ADAMTS16: variants seen among roughly 807,000 people sequenced by gnomAD.
ADAMTS16 encodes the protein ADAM metallopeptidase with thrombospondin type 1 motif 16, also known as A disintegrin and metalloproteinase with thrombospondin motifs 16.
In ADAMTS16, 94 loss-of-function variants were observed where a neutral mutation model predicts 145.8. The ratio of observed to expected loss-of-function variants is 0.64; its 90% CI spans 0.55 to 0.77. ADAMTS16 has a LOEUF of 0.77. Among genes scored for constraint, ADAMTS16 ranks in the 30% least tolerant of loss-of-function variants. ADAMTS16 has a pLI of 0.00. For synonymous variants in ADAMTS16, 659 were observed against 604.3 expected, an observed-to-expected ratio of 1.09 and a Z score of -1.33; for missense variants, 1,585 against 1,591.5, an observed-to-expected ratio of 1.00 and a Z score of 0.07.
intron 3 of ADAMTS16, among the ~76,000 whole-genome samples, chr5:5,152,164 C>A (rs972406016): frequency 3.9e-5 from 6 of 152,230 alleles, no homozygotes; most frequent in Non-Finnish European, 7.3e-5. Context: ...TAATTTCAGG[C>A]CCTGGAGGCA....
At chr5:5,193,176 T>C (rs955571738) in intron 8 of ADAMTS16, among the ~76,000 whole-genome samples, 6 of 148,750 alleles carry the variant, frequency 4.0e-5, no homozygotes, top group African/African-American at 1.5e-4. Context: ...CGCGCGCACA[T>C]ATACGTGTAC....
intron 3 of ADAMTS16, among the ~76,000 whole-genome samples, chr5:5,165,471 G>A (rs1444864739): frequency 6.6e-6 from 1 of 152,188 alleles, no homozygotes; most frequent in East Asian, 1.9e-4. Context: ...CTGGGACAGA[G>A]GCAGAGGTGT....
chr5:5,242,297 C>T, intron 17 of ADAMTS16, 106 bp downstream of exon 17: 3 of 1,422,064 alleles, frequency 2.1e-6, no homozygotes, highest in East Asian at 5.0e-5. Flanking sequence ...CGGGGCTTCT[C>T]CCTGCCAGTA....
chr5:5,213,241 G>T (rs367849330), intron 10 of ADAMTS16, among the ~76,000 whole-genome samples: 4 of 152,130 alleles, frequency 2.6e-5, no homozygotes, highest in African/African-American at 9.7e-5. Flanking sequence ...CTATAGGTCT[G>T]TTTCAAAGTG....
chr5:5,215,324 TGTAA>T (rs1736386380), intron 10 of ADAMTS16, among the ~76,000 whole-genome samples: 1 of 152,196 alleles, frequency 6.6e-6, no homozygotes, highest in Non-Finnish European at 1.5e-5. Flanking sequence ...TATATCTGAC[TGTAA>T]CATCAATTGT....
intron 10 of ADAMTS16, among the ~76,000 whole-genome samples, chr5:5,211,248 A>G (rs1308894838): frequency 6.6e-6 from 1 of 152,154 alleles, no homozygotes; most frequent in African/African-American, 2.4e-5. Context: ...AACTACACTA[A>G]TAGATAAAGG....
intron 4 of ADAMTS16, among the ~76,000 whole-genome samples, chr5:5,182,619 C>A (rs1735372417): frequency 6.6e-6 from 1 of 152,162 alleles, no homozygotes; most frequent in African/African-American, 2.4e-5. Context: ...GGCATCACTA[C>A]TCAGTCATTC....
At chr5:5,165,309 T>C (rs1734845264) in intron 3 of ADAMTS16, among the ~76,000 whole-genome samples, 2 of 152,284 alleles carry the variant, frequency 1.3e-5, no homozygotes, top group South Asian at 4.2e-4. Context: ...CGGCGCCCCA[T>C]CGTATCCCAC....
chr5:5,281,452 A>C (rs1247432710), intron 18 of ADAMTS16, among the ~76,000 whole-genome samples: 1 of 152,258 alleles, frequency 6.6e-6, no homozygotes, highest in African/African-American at 2.4e-5. Flanking sequence ...TCATAATATT[A>C]GAGTATTAAA....
chr5:5,289,784 G>C (rs1739231957), intron 18 of ADAMTS16, among the ~76,000 whole-genome samples: 1 of 151,254 alleles, frequency 6.6e-6, no homozygotes. Flanking sequence ...CAGCAGGGAT[G>C]AGTCCTCACA....
intron 17 of ADAMTS16, among the ~76,000 whole-genome samples, chr5:5,245,672 C>T (rs1261934391): frequency 6.6e-6 from 1 of 152,130 alleles, no homozygotes; most frequent in Admixed American, 6.5e-5. Context: ...CCTCTTGCTT[C>T]ATTCCAGAAA....
intron 6 of ADAMTS16, 23 bp from the exon 7 acceptor site, chr5:5,189,948 C>A (rs918055081): frequency 1.2e-6 from 2 of 1,609,274 alleles, no homozygotes; most frequent in African/African-American, 1.3e-5. Context: ...TCATGGGGTC[C>A]TCGGTCCTTG....
intron 3 of ADAMTS16, among the ~76,000 whole-genome samples, chr5:5,160,548 G>A (rs1013177729): frequency 3.0e-4 from 45 of 152,014 alleles, no homozygotes; most frequent in African/African-American, 1.1e-3. Flanking sequence ...CTATGCCCAC[G>A]TATTTGAAAT....
intron 3 of ADAMTS16, among the ~76,000 whole-genome samples, chr5:5,164,802 G>A (rs561754558): frequency 2.6e-5 from 4 of 151,858 alleles, no homozygotes; most frequent in East Asian, 1.9e-4. Flanking sequence ...TCAGCCTCCC[G>A]AGTAGCTGGG....
chr5:5,212,190 G>GT (rs1018733372), intron 10 of ADAMTS16, among the ~76,000 whole-genome samples: 38 of 99,960 alleles, frequency 3.8e-4, no homozygotes, highest in South Asian at 1.1e-3. Context: ...AGTTTCTGGG[G>GT]TTTTTTTTGT....
At position 5,171,380 on chromosome 5, in the gene ADAMTS16, C is replaced by T. The variant is rs866341092; in HGVS notation, c.502-10664C>T. 3.9e-5 allele frequency among the ~76,000 whole-genome samples: 6 copies of T among 152,082 alleles called. No homozygotes were observed. The South Asian group carries it at 1.2e-3, about 32-fold the overall frequency. On this transcript the variant is annotated intron_variant, in intron 3 of 22. Transcript: ENST00000274181. ...CAGAGGAAAGACTTTCAGCTTTTTTCCCATTCAGTATGACACTAGCTGTGG... is the reference window on the plus strand; with the variant it reads ...CAGAGGAAAGACTTTCAGCTTTTTTTCCATTCAGTATGACACTAGCTGTGG...
intron 18 of ADAMTS16, among the ~76,000 whole-genome samples, chr5:5,290,713 G>A (rs1284922280): frequency 6.6e-6 from 1 of 152,124 alleles, no homozygotes; most frequent in African/African-American, 2.4e-5. Flanking sequence ...TGCTGCAGTG[G>A]GCTTCAGCAG....
chr5:5,305,142 T>C (rs1021114605), intron 20 of ADAMTS16, among the ~76,000 whole-genome samples: 34 of 21,498 alleles, frequency 1.6e-3, no homozygotes, highest in East Asian at 3.3e-3. Context: ...CACACACACA[T>C]CCCACACCAC....
intron 2 of ADAMTS16, among the ~76,000 whole-genome samples, chr5:5,144,836 C>T (rs950851660): frequency 6.6e-6 from 1 of 152,212 alleles, no homozygotes; most frequent in East Asian, 1.9e-4. Flanking sequence ...CGTGAACATT[C>T]CTCTGCTCTT....
Sources: allele counts gnomAD v4.1 joint callset (sites outside exome capture counted in the v4.1 genomes callset), GRCh38; gene constraint gnomAD v4.1.1; transcripts MANE v1.5; gene names NCBI Gene and HGNC (gene_info 2026-07-23, HGNC 2026-07-21).